Variants in CCDC38 observed in about 807,000 individuals in gnomAD.
CCDC38 encodes coiled-coil domain-containing protein 38.
CCDC38 carries 69 observed loss-of-function variants against 72.8 expected under a neutral mutation model. The ratio of observed to expected loss-of-function variants is 0.95; its 90% CI spans 0.78 to 1.16. The LOEUF is 1.16. Ranked by LOEUF, CCDC38 falls within the 50% of genes most tolerant of loss-of-function variation. CCDC38 has a pLI of 0.00. For missense variants in CCDC38, 626 were observed against 638.9 expected (o/e 0.98, Z 0.22); for synonymous variants, 201 against 213.2 (o/e 0.94, Z 0.50).
chr12:95,892,655 C>T (rs578001641), intron 8 of CCDC38, among the ~76,000 whole-genome samples: 2 of 151,024 alleles, frequency 1.3e-5, no homozygotes, highest in African/African-American at 2.4e-5. Context: ...CTGCAACCTC[C>T]GCCTCCCAGG....
intron 5 of CCDC38, among the ~76,000 whole-genome samples, chr12:95,904,875 T>C (rs950407867): frequency 3.9e-5 from 6 of 152,146 alleles, no homozygotes; most frequent in Non-Finnish European, 7.3e-5. Flanking sequence ...ATGATATAGA[T>C]TACCACCCGG....
At chr12:95,930,419 G>A (rs1207921371) in intron 2 of CCDC38, among the ~76,000 whole-genome samples, 1 of 152,148 alleles carries the variant, frequency 6.6e-6, no homozygotes, top group East Asian at 1.9e-4. Flanking sequence ...TTCTGGTAGT[G>A]AAATTCCTGG....
rs749083650 is a variant in CCDC38 at position 95,936,535 on chromosome 12, A to G, written c.-14-12T>C. Reference sequence around the variant, plus strand: ...TTTCTTGCCTGGCCCTGTTGAAAGAAAAAAAAATACGTTTTTTAAAAATTC... The same window carrying G: ...TTTCTTGCCTGGCCCTGTTGAAAGAGAAAAAAATACGTTTTTTAAAAATTC... On this transcript the variant is annotated splice_polypyrimidine_tract_variant and intron_variant, in intron 1 of 15. Transcript: ENST00000344280. 1 of 1,493,846 alleles carries G rather than the reference A, an allele frequency of 6.7e-7. No individual in the cohort carries two copies. The highest frequency in any genetic ancestry group is 2.5e-5 in the East Asian group (1 of 40,554). 92.5% of individuals were successfully genotyped at this position (1,493,846 alleles called of 1,614,324 possible).
At chr12:95,926,566 T>C (rs944644465) in intron 2 of CCDC38, among the ~76,000 whole-genome samples, 14 of 152,172 alleles carry the variant, frequency 9.2e-5, no homozygotes, top group Non-Finnish European at 1.6e-4. Context: ...ATTTTAGTTA[T>C]TTCTTGCCTT....
intron 5 of CCDC38, among the ~76,000 whole-genome samples, chr12:95,904,786 T>C (rs2079984694): frequency 6.6e-6 from 1 of 152,194 alleles, no homozygotes; most frequent in Non-Finnish European, 1.5e-5. Context: ...ATTGTTAATA[T>C]TTCTGGGATG....
chr12:95,872,791 T>C (rs1592752187), intron 13 of CCDC38, among the ~76,000 whole-genome samples: 1 of 152,348 alleles, frequency 6.6e-6, no homozygotes, highest in East Asian at 1.9e-4. Flanking sequence ...GCCAGGCTGG[T>C]CTTGAATTCC....
chr12:95,936,310 T>G (rs1163738710), intron 2 of CCDC38, among the ~76,000 whole-genome samples, 163 bp downstream of exon 2: 1 of 152,102 alleles, frequency 6.6e-6, no homozygotes, highest in Non-Finnish European at 1.5e-5. Flanking sequence ...AGATTTTTTT[T>G]TTGAATTAAA....
intron 2 of CCDC38, among the ~76,000 whole-genome samples, chr12:95,929,275 G>A (rs2080309958): frequency 6.6e-6 from 1 of 152,142 alleles, no homozygotes; most frequent in South Asian, 2.1e-4. Context: ...GAAAAGCGCA[G>A]TATTCGGGTG....
At chr12:95,920,900 G>GGGTGGATAACCTGAGGTT (rs1555231624) in intron 2 of CCDC38, among the ~76,000 whole-genome samples, 3 of 151,906 alleles carry the variant, frequency 2.0e-5, no homozygotes, top group Non-Finnish European at 2.9e-5. Flanking sequence ...AGGCCGAGGT[G>GGGTGGATAACCTGAGGTT]GGTGGATAAC....
chr12:95,872,677 C>T (rs1592752109), intron 13 of CCDC38, among the ~76,000 whole-genome samples: 1 of 152,216 alleles, frequency 6.6e-6, no homozygotes, highest in Admixed American at 6.5e-5. Context: ...CAGGTTCAAG[C>T]GATTCTTGTG....
intron 10 of CCDC38, among the ~76,000 whole-genome samples, chr12:95,882,217 T>C (rs1247178358): frequency 3.9e-5 from 6 of 152,090 alleles, no homozygotes; most frequent in African/African-American, 9.7e-5. Context: ...GTGATCTAGG[T>C]CATTAACACT....
At chr12:95,939,323 C>T (rs1222781106) in intron 1 of CCDC38, among the ~76,000 whole-genome samples, 12 of 152,152 alleles carry the variant, frequency 7.9e-5, no homozygotes, top group Admixed American at 4.6e-4. Context: ...TCCAAGATCA[C>T]GAGGGCCCTG....
chr12:95,913,394 G>C (rs1399230050), intron 4 of CCDC38, among the ~76,000 whole-genome samples: 1 of 152,176 alleles, frequency 6.6e-6, no homozygotes, highest in Non-Finnish European at 1.5e-5. Flanking sequence ...ATGGGAATGG[G>C]ATCGGATGGG....
chr12:95,880,101 G>A (rs978362825), intron 11 of CCDC38: 3 of 196,934 alleles, frequency 1.5e-5, no homozygotes, highest in Non-Finnish European at 3.1e-5. Context: ...GGGAAAGGGA[G>A]AAGGAATAGA....
At chr12:95,937,202 G>A (rs111298514) in intron 1 of CCDC38, among the ~76,000 whole-genome samples, 135 of 152,088 alleles carry the variant, frequency 8.9e-4, no homozygotes, top group African/African-American at 2.4e-3. Context: ...TTGTAAATAC[G>A]GACAGTCTCT....
At chr12:95,903,771 A>C in intron 5 of CCDC38, 2 of 265,476 alleles carry the variant, frequency 7.5e-6, no homozygotes. Flanking sequence ...TTTTAGTATT[A>C]TTGGATTTGG....
At chr12:95,887,619 G>T (rs180950427) in intron 10 of CCDC38, among the ~76,000 whole-genome samples, 89 of 152,340 alleles carry the variant, frequency 5.8e-4, no homozygotes, top group African/African-American at 2.1e-3. Flanking sequence ...AGAGGGAAGT[G>T]GGTGTGGCTC....
chr12:95,919,710 C>T (rs935947995), intron 2 of CCDC38: 1 of 438,862 alleles, frequency 2.3e-6, no homozygotes, highest in African/African-American at 2.0e-5. Context: ...TTTCTTCTCA[C>T]CATTATACAT....
At chr12:95,922,411 A>C (rs1205915058) in intron 2 of CCDC38, among the ~76,000 whole-genome samples, 1 of 152,238 alleles carries the variant, frequency 6.6e-6, no homozygotes. Flanking sequence ...TCAGGAGCAC[A>C]GTGAATCACC....
Sources: gnomAD v4.1 joint callset for allele counts (sites outside exome capture counted in the v4.1 genomes callset) on GRCh38, gnomAD v4.1.1 for gene constraint, MANE v1.5 for transcripts, NCBI Gene and HGNC (gene_info 2026-07-23, HGNC 2026-07-21) for gene names.